The following SLC18A1 variants were observed in gnomAD, a reference collection of about 807,000 sequenced individuals.
SLC18A1 encodes solute carrier family 18 member A1, also known as chromaffin granule amine transporter.
In SLC18A1, 69 loss-of-function variants were observed where a neutral mutation model predicts 53.7. The ratio of observed to expected loss-of-function variants is 1.28; its 90% CI spans 1.06 to 1.57. SLC18A1 has a LOEUF of 1.57. SLC18A1 is among the 40% of genes most tolerant of loss of function. The pLI is 0.00. For missense variants in SLC18A1, 932 were observed against 668.1 expected (o/e 1.40, Z -4.35); for synonymous variants, 320 against 248.1 (o/e 1.29, Z -2.72).
intron 10 of SLC18A1, among the ~76,000 whole-genome samples, chr8:20,151,156 T>G (rs1477198294): frequency 6.9e-6 from 1 of 144,482 alleles, no homozygotes. Context: ...TGTTTTTTTT[T>G]TGTTTGTTTG....
chr8:20,151,398 G>A (rs2071551519), intron 10 of SLC18A1, among the ~76,000 whole-genome samples: 1 of 152,098 alleles, frequency 6.6e-6, no homozygotes, highest in African/African-American at 2.4e-5. Flanking sequence ...GTGAGAATGT[G>A]AGCTTCAGAG....
Position 20,173,036 on chromosome 8 carries a change from C to G in SLC18A1, c.724G>C (p.Val242Leu). Reference protein sequence around the residue: ...ALGGLALGLLVGAPFGSVMYE... With the variant: ...ALGGLALGLLLGAPFGSVMYE... ...CAGAGCTCCAGCTGGTGCCACTTAC[C>G]CAGCAACCCCAAGGCCAGGCCCCCC... Residue 242 changes from valine (V) to leucine (L), a missense_variant and splice_region_variant, in exon 6 of 16, where the codon GTG becomes CTG. Transcript: ENST00000276373. The G allele has an allele frequency of 6.3e-7, 1 of 1,583,700 alleles. No individual in the cohort carries two copies. Among genetic ancestry groups the G allele is most frequent in the South Asian group, 1.2e-5 (1 of 86,444 alleles).
At chr8:20,178,287 A>C in intron 4 of SLC18A1, 148 bp downstream of exon 4, 1 of 647,708 alleles carries the variant, frequency 1.5e-6, no homozygotes, top group Non-Finnish European at 2.7e-6. Context: ...CCACATACCA[A>C]AAACAGCAGA....
At chr8:20,164,203 C>A (rs2071896651) in intron 10 of SLC18A1, among the ~76,000 whole-genome samples, 1 of 152,188 alleles carries the variant, frequency 6.6e-6, no homozygotes, top group Non-Finnish European at 1.5e-5. Context: ...CTTCCCTGTC[C>A]TCTTTCCTCA....
chr8:20,177,049 A>G (rs1233469622), intron 4 of SLC18A1, among the ~76,000 whole-genome samples: 5 of 152,220 alleles, frequency 3.3e-5, no homozygotes, highest in Non-Finnish European at 2.9e-5. Flanking sequence ...TGCACTGCAT[A>G]AAGTTGTTTG....
At position 20,167,411 on chromosome 8, in the gene SLC18A1, A is replaced by T. The variant is rs2071995665; in HGVS notation, c.859-2304T>A. Among the ~76,000 whole-genome samples, 6 of 152,214 alleles carry T rather than the reference A, an allele frequency of 3.9e-5. No individual in the cohort carries two copies. In the South Asian group the frequency reaches 1.2e-3, roughly 32 times the overall value. ...TAAAATAGGTGTTTCACCTATTTGT[A>T]TAATAGGGGGAGACAAATTTCTTAC... On this transcript the variant is annotated intron_variant, in intron 8 of 15. Transcript: ENST00000276373.
At chr8:20,150,641 C>T (rs767783997) in intron 11 of SLC18A1, 25 bp downstream of exon 11, 63 of 1,597,896 alleles carry the variant, frequency 3.9e-5, no homozygotes, top group South Asian at 1.2e-4. Context: ...TTCTACTGTT[C>T]GTCCCAGATC....
At chr8:20,160,391 T>C (rs1585202590) in intron 10 of SLC18A1, among the ~76,000 whole-genome samples, 1 of 151,682 alleles carries the variant, frequency 6.6e-6, no homozygotes, top group South Asian at 2.1e-4. Context: ...GACCTGATTA[T>C]AGCTTACATT....
At chr8:20,173,508 G>A (rs1215627250) in intron 5 of SLC18A1, among the ~76,000 whole-genome samples, 3 of 152,170 alleles carry the variant, frequency 2.0e-5, no homozygotes, top group Non-Finnish European at 4.4e-5. Context: ...ATTTAACAGG[G>A]GTGCCCAGGG....
chr8:20,171,629 A>G (rs1585217662), intron 6 of SLC18A1, 135 bp from the exon 7 acceptor site: 2 of 676,750 alleles, frequency 3.0e-6, no homozygotes, highest in Non-Finnish European at 5.3e-6. Context: ...CTGGGAATTC[A>G]GAGATGGAGA....
intron 8 of SLC18A1, among the ~76,000 whole-genome samples, chr8:20,170,191 G>C (rs1427349017): frequency 2.0e-5 from 3 of 152,168 alleles, no homozygotes; most frequent in Non-Finnish European, 4.4e-5. Flanking sequence ...CATCTCAGGA[G>C]ACTGCGGGAG....
chr8:20,164,928 AG>A lies in SLC18A1; in HGVS notation c.955del (p.Leu319TrpfsTer9), dbSNP rs1477655388. On this transcript the variant is annotated frameshift_variant, in exon 10 of 16. Transcript: ENST00000276373. LOFTEE classifies it high-confidence loss of function. Reference sequence around the variant, plus strand: ...CATCCAGATGGGCAGTGTGGGCTCCAGGATGGCCACCCCCATGTTGGCAAAG... The same window carrying A: ...CATCCAGATGGGCAGTGTGGGCTCCAGATGGCCACCCCCATGTTGGCAAAG... ...ICFANMGVAI[L>X]EPTLPIWMMQ... The A allele has an allele frequency of 6.2e-7, 1 of 1,613,946 alleles. No homozygotes were observed. Among genetic ancestry groups the A allele is most frequent in the East Asian group, 2.2e-5 (1 of 44,870 alleles).
In SLC18A1 at chr8:20,150,674, C is replaced by G. The variant is rs746103153; in HGVS notation, c.1086G>C (p.Lys362Asn). ...ATCCCGAGGCTACATACCGACCCAT[C>G]TTGTTGGCCAACACACCAAAGAGGT... ...GTNLFGVLAN[K>N]MGRWLCSLIG... is the part of the protein sequence containing the mutation. The change falls in exon 11 of 16, where the codon AAG becomes AAC. Residue 362 changes from lysine (K) to asparagine (N), a missense_variant. Coordinates refer to ENST00000276373, the MANE Select transcript of SLC18A1 (RefSeq NM_003053.4). 8 of 1,614,116 alleles carry G rather than the reference C, an allele frequency of 5.0e-6. No individual in the cohort carries two copies. The South Asian group carries it at 8.8e-5, about 18-fold the overall frequency.
rs1399366224 is a variant in SLC18A1 at position 20,145,799 on chromosome 8, C to G, written c.1542G>C (p.Gly514=). 2 of 1,612,158 alleles carry G rather than the reference C, an allele frequency of 1.2e-6. No homozygotes were observed. Among genetic ancestry groups the G allele is most frequent in the Non-Finnish European group, 8.5e-7 (1 of 1,179,126 alleles). Residue 514 remains glycine (G), a synonymous_variant, in exon 16 of 16, where the codon GGG becomes GGC. Transcript: ENST00000276373. ...TQKPTKEFPL[G]EDSDEEPDHE... is the part of the protein sequence containing the mutation. ...GGTCAGGCTCCTCATCACTGTCCTC[C>G]CCCAGAGGAAATTCCTTCGTGGGCT...
At chr8:20,149,360 T>A (rs1014035318) in intron 12 of SLC18A1, among the ~76,000 whole-genome samples, 3 of 152,018 alleles carry the variant, frequency 2.0e-5, no homozygotes, top group Admixed American at 2.0e-4. Flanking sequence ...TCACTTCATA[T>A]GCCCACATGT....
rs370801256 is a variant in SLC18A1, at chr8:20,152,974, T to C, written c.1016-2230A>G. On this transcript the variant is annotated intron_variant, in intron 10 of 15. Coordinates refer to ENST00000276373, the MANE Select transcript of SLC18A1 (RefSeq NM_003053.4). ...GGAAACACGACAGTTCCATTCTCAT[T>C]GCTTCCATTTTATCATAGCTTCTGT... is the stretch of plus-strand genomic sequence containing the variant. Among the ~76,000 whole-genome samples, 58 of 152,316 alleles carry C rather than the reference T, an allele frequency of 3.8e-4. 1 individual carries two copies. In the South Asian group the frequency reaches 0.012, roughly 31 times the overall value.
At chr8:20,148,271 T>G (rs2071455043) in intron 12 of SLC18A1, 1 of 614,010 alleles carries the variant, frequency 1.6e-6, no homozygotes. Flanking sequence ...AGCGCTGTTG[T>G]GTTTATTTAT....
At chr8:20,148,352 G>A (rs989112798) in intron 12 of SLC18A1, 7 of 819,370 alleles carry the variant, frequency 8.5e-6, no homozygotes, top group Non-Finnish European at 1.2e-5. Flanking sequence ...GCTCCATTAT[G>A]CTCTAACGAG....
chr8:20,156,493 C>T (rs947763455), intron 10 of SLC18A1, among the ~76,000 whole-genome samples: 11 of 152,176 alleles, frequency 7.2e-5, no homozygotes, highest in South Asian at 2.1e-4. Context: ...GGGAAAAAAC[C>T]GTAATGGGTA....
Sources: allele counts gnomAD v4.1 joint callset (sites outside exome capture counted in the v4.1 genomes callset), GRCh38; gene constraint gnomAD v4.1.1; transcripts MANE v1.5; gene names NCBI Gene and HGNC (gene_info 2026-07-23, HGNC 2026-07-21).